KCNIP4: variants seen among roughly 807,000 people sequenced by gnomAD.
KCNIP4 encodes the protein potassium voltage-gated channel interacting protein 4, also known as Kv channel-interacting protein 4.
KCNIP4 carries 12 observed loss-of-function variants against 34.0 expected under a neutral mutation model. The ratio of observed to expected loss-of-function variants is 0.35; its 90% confidence interval spans 0.23 to 0.57. The LOEUF (loss-of-function observed/expected upper bound fraction) is 0.57. Among genes scored for constraint, KCNIP4 ranks in the 20% least tolerant of loss-of-function variants. The probability of loss-of-function intolerance (pLI) is 0.83; values close to 1 mark genes in which losing one functional copy is unlikely to be tolerated. For synonymous variants in KCNIP4, 124 were observed against 102.2 expected (o/e 1.21, Z -1.29); for missense variants, 238 against 311.7 (o/e 0.76, Z 1.78).
chr4:21,441,048 C>T (rs185516994), intron 1 of KCNIP4, among the ~76,000 whole-genome samples: 1 of 152,246 alleles, frequency 6.6e-6, no homozygotes, highest in Non-Finnish European at 1.5e-5. Context: ...TTTCTCAAAC[C>T]TCCAGGGCTG....
In KCNIP4 at chr4:21,501,715, T is replaced by TGTGTGCGCGC. The variant is rs569245544; in HGVS notation, c.61+446855_61+446856insGCGCGCACAC. Among the ~76,000 whole-genome samples, 22 of 150,732 alleles carry TGTGTGCGCGC rather than the reference T, an allele frequency of 1.5e-4. 1 individual carries two copies. Among genetic ancestry groups the TGTGTGCGCGC allele is most frequent in the African/African-American group, 5.1e-4 (21 of 40,898 alleles). On this transcript the variant is annotated intron_variant, in intron 1 of 8. Coordinates refer to ENST00000382152, the MANE Select transcript of KCNIP4 (RefSeq NM_025221.6). ...GTGTGTGTGTGTGTGTGTGTGTGTGTGCGTTGGAAGGGGCAGTTTATATGT... is the reference window on the plus strand; with the variant it reads ...GTGTGTGTGTGTGTGTGTGTGTGTGTGTGTGCGCGCGCGTTGGAAGGGGCAGTTTATATGT...
chr4:21,942,820 C>T (rs1423831159), intron 1 of KCNIP4, among the ~76,000 whole-genome samples: 43 of 152,168 alleles, frequency 2.8e-4, no homozygotes, highest in Admixed American at 2.8e-3. Flanking sequence ...TGCAATGGTG[C>T]GATCTAGGCT....
chr4:21,000,451 G>A (rs1211439885), intron 1 of KCNIP4, among the ~76,000 whole-genome samples: 15 of 152,118 alleles, frequency 9.9e-5, no homozygotes, highest in Middle Eastern at 3.4e-3. Flanking sequence ...TTGGGAGGCC[G>A]AGGCAGGCAG....
rs1212421802 is a variant in KCNIP4, at chr4:20,825,237, T to TG, written c.288+25305_288+25306insC. On this transcript the variant is annotated intron_variant, in intron 3 of 8. Coordinates refer to ENST00000382152, the MANE Select transcript of KCNIP4 (RefSeq NM_025221.6). ...TGGTCAATTTTACGTTTTTTTTTTT[T>TG]TTTTTTTTTTTTGTAAGATCTGATG... Among the ~76,000 whole-genome samples the TG allele has an allele frequency of 4.0e-3, 603 of 149,914 alleles. 3 individuals carry two copies. The highest frequency in any genetic ancestry group is 6.8e-3 in the Middle Eastern group (2 of 292).
At chr4:21,280,914 T>A (rs1279008206) in intron 1 of KCNIP4, among the ~76,000 whole-genome samples, 2 of 152,092 alleles carry the variant, frequency 1.3e-5, no homozygotes, top group African/African-American at 4.8e-5. Context: ...GTTGGAGATG[T>A]GAATGCTCCA....
chr4:20,750,201 T>C (rs1182408915), intron 4 of KCNIP4, among the ~76,000 whole-genome samples: 1 of 152,138 alleles, frequency 6.6e-6, no homozygotes, highest in African/African-American at 2.4e-5. Context: ...TATTGGGAAT[T>C]AGAGAAGGTG....
At chr4:20,997,897 A>C (rs755830601) in intron 1 of KCNIP4, among the ~76,000 whole-genome samples, 2 of 152,202 alleles carry the variant, frequency 1.3e-5, no homozygotes, top group Non-Finnish European at 2.9e-5. Flanking sequence ...CCTCGGGTGA[A>C]ATTGAAAACA....
At chr4:21,930,475 T>C (rs1016050580) in intron 1 of KCNIP4, among the ~76,000 whole-genome samples, 1 of 152,150 alleles carries the variant, frequency 6.6e-6, no homozygotes, top group Non-Finnish European at 1.5e-5. Flanking sequence ...GATTTTAGTT[T>C]AAACTCCTCA....
intron 1 of KCNIP4, among the ~76,000 whole-genome samples, chr4:21,142,668 C>A (rs538441107): frequency 4.6e-5 from 7 of 152,116 alleles, no homozygotes; most frequent in Non-Finnish European, 1.0e-4. Flanking sequence ...TGCCTTCCTG[C>A]CAGCATCTCT....
chr4:21,063,358 C>A (rs1435332752), intron 1 of KCNIP4, among the ~76,000 whole-genome samples: 1 of 152,186 alleles, frequency 6.6e-6, no homozygotes, highest in African/African-American at 2.4e-5. Flanking sequence ...AGTAAACAAA[C>A]CCTGCTACTT....
intron 1 of KCNIP4, among the ~76,000 whole-genome samples, chr4:21,003,907 A>G (rs1189976865): frequency 6.6e-6 from 1 of 152,152 alleles, no homozygotes; most frequent in Non-Finnish European, 1.5e-5. Flanking sequence ...GTGTTTGGGG[A>G]ACGATTAGAA....
intron 1 of KCNIP4, among the ~76,000 whole-genome samples, chr4:21,369,818 ATTTTTT>A (rs5856627): frequency 0.012 from 1,605 of 131,550 alleles, 123 homozygotes; most frequent in South Asian, 0.039. Flanking sequence ...AACCCAAATA[ATTTTTT>A]TTTTTTTTTT....
intron 1 of KCNIP4, among the ~76,000 whole-genome samples, chr4:21,182,848 A>G (rs544383273): frequency 2.2e-4 from 33 of 152,274 alleles, no homozygotes; most frequent in Non-Finnish European, 1.3e-4. Flanking sequence ...GATAATTTAC[A>G]TATGCATGCT....
At chr4:21,405,037 G>C (rs1723853161) in intron 1 of KCNIP4, among the ~76,000 whole-genome samples, 2 of 152,028 alleles carry the variant, frequency 1.3e-5, no homozygotes. Flanking sequence ...TCACACTCTG[G>C]GTTCATCTGA....
intron 1 of KCNIP4, among the ~76,000 whole-genome samples, chr4:21,595,962 C>T (rs1362617912): frequency 1.3e-5 from 2 of 152,100 alleles, no homozygotes; most frequent in Admixed American, 1.3e-4. Flanking sequence ...TCCTGCTTTC[C>T]AGAGCAACTT....
chr4:20,827,197 T>A (rs1243584868), intron 3 of KCNIP4, among the ~76,000 whole-genome samples: 1 of 152,210 alleles, frequency 6.6e-6, no homozygotes, highest in East Asian at 1.9e-4. Flanking sequence ...ATCACCAGGC[T>A]GTGAGAAAAG....
chr4:20,803,464 C>T (rs1321372103), intron 3 of KCNIP4, among the ~76,000 whole-genome samples: 2 of 89,774 alleles, frequency 2.2e-5, no homozygotes, highest in East Asian at 3.0e-4. Context: ...AAAACCTCAT[C>T]TTTACCAAAA....
chr4:21,545,549 C>T (rs926134348), intron 1 of KCNIP4, among the ~76,000 whole-genome samples: 4 of 152,096 alleles, frequency 2.6e-5, no homozygotes, highest in Non-Finnish European at 5.9e-5. Flanking sequence ...CCCAAACCCA[C>T]GACAGGCCCG....
chr4:21,240,116 T>C (rs886376387), intron 1 of KCNIP4, among the ~76,000 whole-genome samples: 6 of 150,090 alleles, frequency 4.0e-5, no homozygotes, highest in Admixed American at 2.0e-4. Flanking sequence ...TGGCAAACTA[T>C]CGCAAAGACA....
Sources: gnomAD v4.1 joint callset for allele counts (sites outside exome capture counted in the v4.1 genomes callset) on GRCh38, gnomAD v4.1.1 for gene constraint, MANE v1.5 for transcripts, NCBI Gene and HGNC (gene_info 2026-07-23, HGNC 2026-07-21) for gene names.